FAM162B: variants seen among roughly 807,000 people sequenced by gnomAD.
FAM162B encodes the protein family with sequence similarity 162 member B.
A neutral mutation model predicts 20.0 loss-of-function variants in FAM162B; 16 were observed. The observed-to-expected ratio is 0.80, with a 90% CI of 0.54 to 1.21. The LOEUF (loss-of-function observed/expected upper bound fraction) is 1.21, where lower values mean the gene tolerates loss of function less well. FAM162B is among the 50% of genes most tolerant of loss of function. The pLI, the probability that FAM162B is intolerant of heterozygous loss-of-function variation, is 0.00. For synonymous variants in FAM162B, 83 were observed against 89.7 expected, an observed-to-expected ratio of 0.93 and a Z score of 0.42; for missense variants, 260 against 227.5, an observed-to-expected ratio of 1.14 and a Z score of -0.92.
At chr6:116,763,178 T>C (rs1017578267) in intron 2 of FAM162B, among the ~76,000 whole-genome samples, 3 of 152,158 alleles carry the variant, frequency 2.0e-5, no homozygotes, top group African/African-American at 7.2e-5. Context: ...GAGAAATTAT[T>C]AGATTATATT....
intron 3 of FAM162B, among the ~76,000 whole-genome samples, chr6:116,757,739 C>A (rs1396797739): frequency 6.9e-6 from 1 of 143,976 alleles, no homozygotes; most frequent in East Asian, 2.0e-4. Context: ...AGAGTGAGAC[C>A]CTGTCCTCCT....
In FAM162B at chr6:116,752,709, GAAAT is replaced by G. The variant is rs2114545126; in HGVS notation, c.391-18_391-15del. The G allele has an allele frequency of 2.1e-6, 2 of 942,776 alleles. No homozygotes were observed. Among genetic ancestry groups the G allele is most frequent in the Non-Finnish European group, 3.0e-6 (2 of 673,138 alleles). 58.4% of individuals were successfully genotyped at this position (942,776 alleles called of 1,614,324 possible). A position where few individuals can be genotyped will look rare whatever the true frequency, so the allele number is the denominator to read the frequency against. On this transcript the variant is annotated splice_polypyrimidine_tract_variant and intron_variant, in intron 3 of 3. Transcript: ENST00000368557. The stretch of plus-strand genomic sequence containing the variant: ...TCGTTCTACAGCCTGTGGGGGGGAA[GAAAT>G]ATATATATATATATATATATAGATA...
At chr6:116,757,636 A>G (rs11153628) in intron 3 of FAM162B, among the ~76,000 whole-genome samples, 1 of 151,458 alleles carries the variant, frequency 6.6e-6, no homozygotes, top group South Asian at 2.1e-4. Flanking sequence ...GTGGTCCCAG[A>G]TACTTAGGAG....
intron 3 of FAM162B, among the ~76,000 whole-genome samples, chr6:116,760,136 C>A (rs1460553313): frequency 6.6e-6 from 1 of 152,178 alleles, no homozygotes; most frequent in African/African-American, 2.4e-5. Flanking sequence ...TGGCATGTCT[C>A]AGGTGCTCAA....
chr6:116,755,034 C>T (rs1006255239), intron 3 of FAM162B, among the ~76,000 whole-genome samples: 2 of 152,116 alleles, frequency 1.3e-5, no homozygotes, highest in Non-Finnish European at 2.9e-5. Context: ...CCTTGAGATG[C>T]AACAATATTG....
intron 3 of FAM162B, among the ~76,000 whole-genome samples, chr6:116,754,596 C>G (rs1030712110): frequency 2.0e-5 from 3 of 152,154 alleles, no homozygotes; most frequent in African/African-American, 7.2e-5. Context: ...TTGGAGATAT[C>G]TTGAGGAACC....
rs565837355 is a variant in FAM162B, at chr6:116,752,436, A to G, written c.*161T>C. On this transcript the variant is annotated 3_prime_UTR_variant, in exon 4 of 4. Transcript: ENST00000368557. The stretch of plus-strand genomic sequence containing the variant: ...ACTTTTTGAATGCATGGTATACTTC[A>G]GTAAAAGTTTACTAAAAAATAAAAA... 2 of 306,282 alleles carry G rather than the reference A, an allele frequency of 6.5e-6. No homozygotes were observed. Among genetic ancestry groups the G allele is most frequent in the East Asian group, 1.1e-4 (2 of 17,682 alleles). 19.0% of individuals were successfully genotyped at this position (306,282 alleles called of 1,614,324 possible).
At chr6:116,761,731 TATACACACAC>T (rs1480741224) in intron 3 of FAM162B, among the ~76,000 whole-genome samples, 1 of 144,886 alleles carries the variant, frequency 6.9e-6, no homozygotes, top group Non-Finnish European at 1.5e-5. Flanking sequence ...TATACTTATA[TATACACACAC>T]ACACACACAC....
intron 3 of FAM162B, among the ~76,000 whole-genome samples, chr6:116,753,802 C>A (rs1461724821): frequency 2.0e-5 from 3 of 152,140 alleles, no homozygotes; most frequent in Admixed American, 2.0e-4. Flanking sequence ...AACGGAAAGA[C>A]TAAAGACTGA....
Position 116,758,985 on chromosome 6 carries a change from TTTC to T in FAM162B, c.390+2989_390+2991del, listed in dbSNP as rs1317116737. On this transcript the variant is annotated intron_variant, in intron 3 of 3. Transcript: ENST00000368557. ...CCCTTAGAACTATTATTTTTAGTAT[TTTC>T]TTGTGTATTTTGCTTATTTTTCTAT... Among the ~76,000 whole-genome samples, 4 of 152,136 alleles carry T rather than the reference TTTC, an allele frequency of 2.6e-5. No homozygotes were observed. In the East Asian group the frequency reaches 7.7e-4, roughly 29 times the overall value.
chr6:116,759,886 C>G (rs904565693), intron 3 of FAM162B, among the ~76,000 whole-genome samples: 2 of 152,086 alleles, frequency 1.3e-5, no homozygotes, highest in South Asian at 2.1e-4. Context: ...TTCCTTCCCC[C>G]GGTCTTCTCA....
chr6:116,757,304 G>A (rs1004706012), intron 3 of FAM162B, among the ~76,000 whole-genome samples: 19 of 152,008 alleles, frequency 1.2e-4, no homozygotes, highest in African/African-American at 4.4e-4. Flanking sequence ...ATATTATAAT[G>A]AATATAAAAT....
chr6:116,761,182 T>C (rs975972273), intron 3 of FAM162B, among the ~76,000 whole-genome samples: 1 of 152,094 alleles, frequency 6.6e-6, no homozygotes, highest in African/African-American at 2.4e-5. Flanking sequence ...AAAATACTTG[T>C]GGGGCTGCTC....
intron 3 of FAM162B, among the ~76,000 whole-genome samples, chr6:116,758,682 T>A (rs551465230): frequency 2.6e-5 from 4 of 152,330 alleles, no homozygotes; most frequent in African/African-American, 9.6e-5. Context: ...ATTCTTTTGG[T>A]GATTTTAAGG....
At chr6:116,764,625 A>G (rs1306866410) in intron 2 of FAM162B, among the ~76,000 whole-genome samples, 2 of 152,048 alleles carry the variant, frequency 1.3e-5, no homozygotes, top group East Asian at 3.9e-4. Flanking sequence ...CTGCAGAAAC[A>G]CGTCCGCCAG....
intron 3 of FAM162B, among the ~76,000 whole-genome samples, chr6:116,753,509 CTAGAAA>C (rs1780015254): frequency 6.6e-6 from 1 of 151,974 alleles, no homozygotes. Context: ...CCACGAGCAG[CTAGAAA>C]GATAGAGTTG....
intron 3 of FAM162B, among the ~76,000 whole-genome samples, chr6:116,756,577 A>G (rs1448926636): frequency 6.6e-6 from 1 of 152,216 alleles, no homozygotes. Flanking sequence ...CCAATTTTGA[A>G]AGAAGTTCTA....
At chr6:116,758,281 G>A (rs2114549466) in intron 3 of FAM162B, among the ~76,000 whole-genome samples, 1 of 152,314 alleles carries the variant, frequency 6.6e-6, no homozygotes, top group Admixed American at 6.5e-5. Context: ...TCATCAATGG[G>A]GAGGACTGTG....
At chr6:116,753,082 TCC>T (rs1780011066) in intron 3 of FAM162B, among the ~76,000 whole-genome samples, 1 of 151,922 alleles carries the variant, frequency 6.6e-6, no homozygotes, top group Middle Eastern at 3.2e-3. Context: ...CATATTTTGT[TCC>T]CCCTGCCTAC....
Sources: allele counts gnomAD v4.1 joint callset (sites outside exome capture counted in the v4.1 genomes callset), GRCh38; gene constraint gnomAD v4.1.1; transcripts MANE v1.5; gene names NCBI Gene and HGNC (gene_info 2026-07-23, HGNC 2026-07-21).